SLC25A36: variants seen among roughly 807,000 people sequenced by gnomAD.
SLC25A36 encodes the protein solute carrier family 25 member 36.
A neutral mutation model predicts 35.3 loss-of-function variants in SLC25A36; 24 were observed. The ratio of observed to expected loss-of-function variants is 0.68; its 90% CI spans 0.49 to 0.96. The LOEUF is 0.96. Ranked by LOEUF, SLC25A36 falls within the 40% of genes least tolerant of loss-of-function variation. The pLI is 0.00. For missense variants in SLC25A36, 294 were observed against 381.1 expected, an observed-to-expected ratio of 0.77 and a Z score of 1.90; for synonymous variants, 141 against 132.2, an observed-to-expected ratio of 1.07 and a Z score of -0.46.
In SLC25A36 at chr3:140,959,521, G is replaced by GT; in HGVS notation, c.266dup (p.Val91GlyfsTer21). On this transcript the variant is annotated frameshift_variant, in exon 3 of 7. Coordinates refer to ENST00000324194, the MANE Select transcript of SLC25A36 (RefSeq NM_001104647.3). LOFTEE classifies it high-confidence loss of function. The stretch of plus-strand genomic sequence containing the variant: ...GTTTAGAGGACTAGGCCCCAATTTA[G>GT]TGGGGGTAGCCCCTTCCAGGTAAAA... 6.7e-7 allele frequency: 1 copy of GT among 1,490,590 alleles called. No homozygotes were observed. 92.3% of individuals were successfully genotyped at this position (1,490,590 alleles called of 1,614,324 possible).
chr3:140,946,655 G>C (rs1033047281), intron 1 of SLC25A36, among the ~76,000 whole-genome samples: 2 of 152,212 alleles, frequency 1.3e-5, no homozygotes, highest in African/African-American at 2.4e-5. Context: ...TGTAGAAGAA[G>C]AGCGAAGAAT....
At chr3:140,959,681 TC>T (rs1326874195) in intron 3 of SLC25A36, 141 bp downstream of exon 3, 1 of 438,516 alleles carries the variant, frequency 2.3e-6, no homozygotes, top group African/African-American at 2.1e-5. Context: ...TACTTAATTT[TC>T]TTTTTAAGAA....
At chr3:140,943,294 A>G (rs575516888) in intron 1 of SLC25A36, among the ~76,000 whole-genome samples, 72 of 152,356 alleles carry the variant, frequency 4.7e-4, no homozygotes, top group African/African-American at 1.7e-3. Context: ...CCTTGCTTTG[A>G]GTTGGACATA....
intron 1 of SLC25A36, among the ~76,000 whole-genome samples, chr3:140,943,159 T>C (rs1034994742): frequency 6.6e-6 from 1 of 152,186 alleles, no homozygotes; most frequent in Non-Finnish European, 1.5e-5. Context: ...ATAAAGAGTT[T>C]TCTTATCAAA....
At chr3:140,942,881 A>C (rs958059053) in intron 1 of SLC25A36, among the ~76,000 whole-genome samples, 15 of 152,210 alleles carry the variant, frequency 9.9e-5, no homozygotes, top group African/African-American at 3.4e-4. Flanking sequence ...CTTTGGGGTC[A>C]GATTCCTTTC....
rs1254660716 is a variant in SLC25A36 at position 140,978,925 on chromosome 3, T to C, written c.*2472T>C. ...AAAACAAAAACACATATTCAGAGCA[T>C]TGGACTTTTTTAACTTGTTTTCATC... On this transcript the variant is annotated 3_prime_UTR_variant, in exon 7 of 7. Transcript: ENST00000324194. The C allele has an allele frequency of 6.6e-6, 1 of 152,210 alleles. No individual in the cohort carries two copies. Among genetic ancestry groups the C allele is most frequent in the Non-Finnish European group, 1.5e-5 (1 of 68,026 alleles). 9.4% of individuals were successfully genotyped at this position (152,210 alleles called of 1,614,324 possible). A position where few individuals can be genotyped will look rare whatever the true frequency, so the allele number is the denominator to read the frequency against.
chr3:140,958,960 T>TGTGTG (rs1491268962), intron 2 of SLC25A36, among the ~76,000 whole-genome samples: 10 of 112,590 alleles, frequency 8.9e-5, no homozygotes, highest in Admixed American at 1.9e-4. Flanking sequence ...AAACAATGTT[T>TGTGTG]TGTGTGTGTG....
At chr3:140,974,582 A>G (rs1934988269) in intron 6 of SLC25A36, among the ~76,000 whole-genome samples, 1 of 152,132 alleles carries the variant, frequency 6.6e-6, no homozygotes, top group African/African-American at 2.4e-5. Context: ...TTATTTCTGT[A>G]TTTAAATTTT....
At chr3:140,949,674 C>T (rs564272156) in intron 1 of SLC25A36, among the ~76,000 whole-genome samples, 22 of 152,242 alleles carry the variant, frequency 1.4e-4, no homozygotes, top group Non-Finnish European at 2.4e-4. Context: ...GATTCGTAAC[C>T]AAGAAACTCT....
At chr3:140,967,881 C>T in intron 4 of SLC25A36, 4 of 597,546 alleles carry the variant, frequency 6.7e-6, no homozygotes, top group Non-Finnish European at 6.3e-6. Flanking sequence ...TCCCTCATGT[C>T]GTCTTAAGTT....
intron 5 of SLC25A36, 136 bp downstream of exon 5, chr3:140,971,129 A>G (rs557209493): frequency 5.4e-6 from 3 of 552,686 alleles, no homozygotes; most frequent in African/African-American, 1.9e-5. Flanking sequence ...GCCATCAGAA[A>G]AAAGATAATG....
intron 1 of SLC25A36, among the ~76,000 whole-genome samples, chr3:140,943,100 A>G (rs1394219941): frequency 6.6e-6 from 1 of 152,176 alleles, no homozygotes; most frequent in African/African-American, 2.4e-5. Flanking sequence ...CTCCTTCTAA[A>G]TCATTTGGAG....
chr3:140,959,558 T>C lies in SLC25A36; in HGVS notation c.284+18T>C, dbSNP rs900483790. ...CCTTCCAGGTAAAAAAAAAAAAAAA[T>C]TGTTTAAAGCAAGTTATGGCAATCT... On this transcript the variant is annotated intron_variant, in intron 3 of 6. Transcript: ENST00000324194. 5 of 1,123,520 alleles carry C rather than the reference T, an allele frequency of 4.5e-6. No homozygotes were observed. The highest frequency in any genetic ancestry group is 3.7e-5 in the Admixed American group (1 of 26,944). The allele number at this position is 1,123,520 out of a possible 1,614,324, so 69.6% of individuals were successfully genotyped here.
Position 140,959,516 on chromosome 3 carries a change from A to G in SLC25A36, c.260A>G (p.Asn87Ser), listed in dbSNP as rs771460432. Residue 87 changes from asparagine (N) to serine (S), a missense_variant, in exon 3 of 7, where the codon AAT becomes AGT. This residue lies in a region of SLC25A36 where 185 missense variants were observed against 201.5 expected (regional missense o/e 0.92). Coordinates refer to ENST00000324194, the MANE Select transcript of SLC25A36 (RefSeq NM_001104647.3). ...PRSLFRGLGP[N>S]LVGVAPSRAI... Reference sequence around the variant, plus strand: ...TCCTTGTTTAGAGGACTAGGCCCCAATTTAGTGGGGGTAGCCCCTTCCAGG... The same window carrying G: ...TCCTTGTTTAGAGGACTAGGCCCCAGTTTAGTGGGGGTAGCCCCTTCCAGG... 1 of 1,498,484 alleles carries G rather than the reference A, an allele frequency of 6.7e-7. No homozygotes were observed. Among genetic ancestry groups the G allele is most frequent in the Non-Finnish European group, 8.8e-7 (1 of 1,134,102 alleles). 92.8% of individuals were successfully genotyped at this position (1,498,484 alleles called of 1,614,324 possible).
chr3:140,975,205 T>C (rs1935011292), intron 6 of SLC25A36, among the ~76,000 whole-genome samples: 1 of 136,804 alleles, frequency 7.3e-6, no homozygotes, highest in Non-Finnish European at 1.5e-5. Context: ...ACTCCAAGGC[T>C]CAATTAATCC....
chr3:140,956,506 C>CTTTTTT (rs75174363), intron 1 of SLC25A36, 21 bp from the exon 2 acceptor site: 2 of 1,424,890 alleles, frequency 1.4e-6, no homozygotes, highest in African/African-American at 1.6e-5. Context: ...AAGCTGTGTT[C>CTTTTTT]TTTTTTTTTT....
rs1003918327 is a variant in SLC25A36 at position 140,978,668 on chromosome 3, A to G, written c.*2215A>G. On this transcript the variant is annotated 3_prime_UTR_variant, in exon 7 of 7. Coordinates refer to ENST00000324194, the MANE Select transcript of SLC25A36 (RefSeq NM_001104647.3). ...ATTATATTCAGCTTTTAACAGTATTATGTATGTACTGGAAAGCAAAGAAAT... is the reference window on the plus strand; with the variant it reads ...ATTATATTCAGCTTTTAACAGTATTGTGTATGTACTGGAAAGCAAAGAAAT... 8.5e-5 allele frequency: 13 copies of G among 152,182 alleles called. No homozygotes were observed. Among genetic ancestry groups the G allele is most frequent in the Admixed American group, 7.9e-4 (12 of 15,274 alleles). 9.4% of individuals were successfully genotyped at this position (152,182 alleles called of 1,614,324 possible). A position where few individuals can be genotyped will look rare whatever the true frequency, so the allele number is the denominator to read the frequency against.
At chr3:140,952,857 G>C (rs547158460) in intron 1 of SLC25A36, among the ~76,000 whole-genome samples, 4 of 152,070 alleles carry the variant, frequency 2.6e-5, no homozygotes, top group Admixed American at 6.6e-5. Flanking sequence ...ACATTTTTTA[G>C]AAGTTATTCA....
At chr3:140,970,709 T>C in intron 4 of SLC25A36, 1 of 359,660 alleles carries the variant, frequency 2.8e-6, no homozygotes, top group Non-Finnish European at 5.1e-6. Context: ...CATTTTGCTT[T>C]TAAAAGAATC....
Sources: allele counts gnomAD v4.1 joint callset (sites outside exome capture counted in the v4.1 genomes callset), GRCh38; gene constraint gnomAD v4.1.1; regional missense constraint gnomAD v4.1.1; transcripts MANE v1.5; gene names NCBI Gene and HGNC (gene_info 2026-07-23, HGNC 2026-07-21).